DPYS: variants seen among roughly 807,000 people sequenced by gnomAD.
DPYS encodes dihydropyrimidine amidohydrolase.
DPYS carries 39 observed loss-of-function variants against 50.3 expected under a neutral mutation model. That is an observed-to-expected ratio of 0.78 (90% confidence interval 0.60 to 1.01). DPYS has a LOEUF of 1.01. Ranked by LOEUF, DPYS falls within the 50% of genes least tolerant of loss-of-function variation. The pLI is 0.00. For synonymous variants in DPYS, 245 were observed against 250.7 expected (o/e 0.98, Z 0.22); for missense variants, 659 against 680.9 (o/e 0.97, Z 0.36).
intron 7 of DPYS, chr8:104,423,849 A>T (rs1410606101): frequency 1.9e-6 from 1 of 538,210 alleles, no homozygotes; most frequent in Non-Finnish European, 2.4e-6. Flanking sequence ...TTTGTGCTGG[A>T]ATTTTTCTAT....
At chr8:104,428,150 G>C (rs1247257987) in intron 5 of DPYS, 29 bp from the exon 6 acceptor site, 1 of 1,613,902 alleles carries the variant, frequency 6.2e-7, no homozygotes, top group Non-Finnish European at 8.5e-7. Context: ...GAGAGTGATG[G>C]GGTGAGTATA....
At chr8:104,443,484 T>C (rs568132139) in intron 4 of DPYS, among the ~76,000 whole-genome samples, 27 of 152,222 alleles carry the variant, frequency 1.8e-4, no homozygotes, top group Non-Finnish European at 3.5e-4. Context: ...GTCAGATGAA[T>C]CAATTCAATT....
At chr8:104,446,058 A>T (rs560481364) in intron 3 of DPYS, among the ~76,000 whole-genome samples, 1 of 152,132 alleles carries the variant, frequency 6.6e-6, no homozygotes, top group Non-Finnish European at 1.5e-5. Context: ...AAATAATAAT[A>T]ATAACAACAA....
intron 4 of DPYS, among the ~76,000 whole-genome samples, chr8:104,431,092 T>G (rs1812939254): frequency 6.6e-6 from 1 of 152,144 alleles, no homozygotes; most frequent in Non-Finnish European, 1.5e-5. Flanking sequence ...GCTTGGACAA[T>G]GAAAACTCAG....
At chr8:104,403,194 A>G (rs955223087) in intron 7 of DPYS, among the ~76,000 whole-genome samples, 3 of 151,706 alleles carry the variant, frequency 2.0e-5, no homozygotes, top group African/African-American at 7.3e-5. Flanking sequence ...TGTCCACTGT[A>G]CTCCTGATCC....
intron 1 of DPYS, among the ~76,000 whole-genome samples, chr8:104,464,225 A>G (rs1814270163): frequency 6.6e-6 from 1 of 152,256 alleles, no homozygotes; most frequent in Admixed American, 6.5e-5. Context: ...TGTTGACAAC[A>G]GACTATACGC....
chr8:104,392,694 C>G lies in DPYS; in HGVS notation c.1443+90G>C, dbSNP rs1811429004. On this transcript the variant is annotated intron_variant, in intron 8 of 9. Coordinates refer to ENST00000351513, the MANE Select transcript of DPYS (RefSeq NM_001385.3). Reference sequence around the variant, plus strand: ...ATACATTAAACCAAGTGTGATGTGTCAACACCACTACTACCAACAATAACC... The same window carrying G: ...ATACATTAAACCAAGTGTGATGTGTGAACACCACTACTACCAACAATAACC... The G allele has an allele frequency of 6.0e-6, 9 of 1,503,538 alleles. No homozygotes were observed. The South Asian group carries it at 7.9e-5, about 13-fold the overall frequency. The allele number at this position is 1,503,538 out of a possible 1,614,324, so 93.1% of individuals were successfully genotyped here.
intron 7 of DPYS, among the ~76,000 whole-genome samples, chr8:104,394,399 C>T (rs189887932): frequency 6.6e-6 from 1 of 152,284 alleles, no homozygotes; most frequent in East Asian, 1.9e-4. Context: ...CAAGTTTGCT[C>T]CTCCCTTGAG....
At chr8:104,400,982 A>G (rs940496373) in intron 7 of DPYS, among the ~76,000 whole-genome samples, 2 of 152,192 alleles carry the variant, frequency 1.3e-5, no homozygotes, top group African/African-American at 4.8e-5. Flanking sequence ...AACACCACCC[A>G]TATGCATTCA....
At position 104,391,498 on chromosome 8, in the gene DPYS, C is replaced by T. The variant is rs115204135; in HGVS notation, c.1443+1286G>A. ...GATTGAGGACACAGGGTTGCCTCCC[C>T]GGCCCCCATATCCAGAAATTTAGAT... On this transcript the variant is annotated intron_variant, in intron 8 of 9. Coordinates refer to ENST00000351513, the MANE Select transcript of DPYS (RefSeq NM_001385.3). Among the ~76,000 whole-genome samples the T allele has an allele frequency of 9.3e-3, 1,413 of 152,298 alleles. 4 individuals carry two copies. Among genetic ancestry groups the T allele is most frequent in the African/African-American group, 0.019 (792 of 41,558 alleles).
intron 1 of DPYS, among the ~76,000 whole-genome samples, chr8:104,459,740 T>C (rs950405858): frequency 6.6e-6 from 1 of 152,186 alleles, no homozygotes; most frequent in African/African-American, 2.4e-5. Flanking sequence ...CTCTAGGAGT[T>C]TCACAACCAG....
intron 1 of DPYS, among the ~76,000 whole-genome samples, chr8:104,459,972 T>C (rs185249880): frequency 6.6e-6 from 1 of 152,338 alleles, no homozygotes; most frequent in African/African-American, 2.4e-5. Flanking sequence ...GTTAAGATGG[T>C]GTATAACCCC....
chr8:104,380,397 C>G (rs912292274), intron 9 of DPYS: 2 of 152,216 alleles, frequency 1.3e-5, no homozygotes, highest in African/African-American at 4.8e-5. Flanking sequence ...AGATATCACA[C>G]GTTAAAAAAA....
intron 1 of DPYS, among the ~76,000 whole-genome samples, chr8:104,465,798 C>T (rs1268380118): frequency 1.3e-5 from 2 of 152,168 alleles, no homozygotes; most frequent in East Asian, 1.9e-4. Context: ...TTTAAGTTTC[C>T]TTTCATTGAC....
chr8:104,445,868 AC>A (rs1343047541), intron 3 of DPYS, among the ~76,000 whole-genome samples: 1 of 152,024 alleles, frequency 6.6e-6, no homozygotes, highest in African/African-American at 2.4e-5. Context: ...ACACGGGGAA[AC>A]CCTGTCTCTA....
intron 9 of DPYS, 72 bp downstream of exon 9, chr8:104,381,112 A>C (rs968808493): frequency 7.8e-7 from 1 of 1,289,006 alleles, no homozygotes; most frequent in Non-Finnish European, 1.1e-6. Flanking sequence ...GATCTCTTCA[A>C]CCCTTATGAG....
At chr8:104,404,685 T>G (rs1811935451) in intron 7 of DPYS, among the ~76,000 whole-genome samples, 1 of 152,262 alleles carries the variant, frequency 6.6e-6, no homozygotes. Context: ...ACCTCAAATT[T>G]CTAAACCAGA....
chr8:104,382,135 A>T (rs977194450), intron 8 of DPYS, among the ~76,000 whole-genome samples: 12 of 152,166 alleles, frequency 7.9e-5, no homozygotes. Context: ...CATTTTCTTC[A>T]TTCATTCAGC....
intron 1 of DPYS, among the ~76,000 whole-genome samples, chr8:104,452,577 C>T (rs1813783554): frequency 6.6e-6 from 1 of 152,170 alleles, no homozygotes; most frequent in South Asian, 2.1e-4. Flanking sequence ...GCGCCTTGGC[C>T]ATGCCTGTAA....
Sources: gnomAD v4.1 joint callset for allele counts (sites outside exome capture counted in the v4.1 genomes callset) on GRCh38, gnomAD v4.1.1 for gene constraint, MANE v1.5 for transcripts, NCBI Gene and HGNC (gene_info 2026-07-23, HGNC 2026-07-21) for gene names.